The following PTPRN2 variants were observed in gnomAD, a reference collection of about 807,000 sequenced individuals.
PTPRN2 encodes protein tyrosine phosphatase receptor type N2, also known as receptor-type tyrosine-protein phosphatase N2.
Under a neutral mutation model 118.8 loss-of-function variants are expected in PTPRN2, and 74 were observed. The observed-to-expected ratio is 0.62, with a 90% CI of 0.52 to 0.76. The LOEUF (loss-of-function observed/expected upper bound fraction) is 0.76, where lower values mean the gene tolerates loss of function less well. PTPRN2 is among the 30% of genes least tolerant of loss of function. The pLI, the probability that PTPRN2 is intolerant of heterozygous loss-of-function variation, is 0.00. For missense variants in PTPRN2, 1,481 were observed against 1,394.4 expected, an observed-to-expected ratio of 1.06 and a Z score of -0.99; for synonymous variants, 641 against 608.0, an observed-to-expected ratio of 1.05 and a Z score of -0.80.
Position 158,516,953 on chromosome 7 carries a change from A to T in PTPRN2, c.113-27168T>A, listed in dbSNP as rs117169987. Among the ~76,000 whole-genome samples, 101 of 152,196 alleles carry T rather than the reference A, an allele frequency of 6.6e-4. 1 individual carries two copies. The East Asian group carries it at 0.018, about 27-fold the overall frequency. On this transcript the variant is annotated intron_variant, in intron 1 of 22. Transcript: ENST00000389418. Reference sequence around the variant, plus strand: ...TGTAACCTGCAAGGCTTTTCTCCACACTACACCATGGAAAGTCCTCTCTAG... The same window carrying T: ...TGTAACCTGCAAGGCTTTTCTCCACTCTACACCATGGAAAGTCCTCTCTAG...
At chr7:158,309,589 A>G (rs141046499) in intron 3 of PTPRN2, among the ~76,000 whole-genome samples, 78 of 152,352 alleles carry the variant, frequency 5.1e-4, no homozygotes, top group African/African-American at 1.7e-3. Flanking sequence ...TATAATACCA[A>G]AACCAAAGAT....
At chr7:158,557,267 G>A (rs1210714496) in intron 1 of PTPRN2, among the ~76,000 whole-genome samples, 1 of 143,488 alleles carries the variant, frequency 7.0e-6, no homozygotes, top group South Asian at 2.3e-4. Flanking sequence ...GGTGGCTCCC[G>A]CGCAGGTCAG....
chr7:158,333,785 C>T, intron 2 of PTPRN2, among the ~76,000 whole-genome samples: 1 of 148,418 alleles, frequency 6.7e-6, no homozygotes, highest in African/African-American at 2.5e-5. Flanking sequence ...CTCACACACA[C>T]ACTCTCACCA....
intron 5 of PTPRN2, among the ~76,000 whole-genome samples, chr7:158,173,246 C>T (rs1823875554): frequency 6.6e-6 from 1 of 152,186 alleles, no homozygotes; most frequent in African/African-American, 2.4e-5. Flanking sequence ...TTGGGGGAAC[C>T]AGCCCCCAAT....
At chr7:158,528,105 G>C (rs1454966394) in intron 1 of PTPRN2, among the ~76,000 whole-genome samples, 1 of 152,240 alleles carries the variant, frequency 6.6e-6, no homozygotes, top group Non-Finnish European at 1.5e-5. Context: ...GGAGGAAGTT[G>C]GTGTGTACTA....
Position 157,674,988 on chromosome 7 carries a change from AC to A in PTPRN2, c.2001+7736del, listed in dbSNP as rs1013835624. 7.9e-5 allele frequency among the ~76,000 whole-genome samples: 12 copies of A among 152,050 alleles called. No homozygotes were observed. Among genetic ancestry groups the A allele is most frequent in the Admixed American group, 2.0e-4 (3 of 15,288 alleles). On this transcript the variant is annotated intron_variant, in intron 13 of 22. Transcript: ENST00000389418. The surrounding 1 kb of genome is among the most constrained non-coding windows in gnomAD (Gnocchi z 4.5). ...GAGGCTACAGGCAGGGAGTGGGGAG[AC>A]CCAGCCTTCAAGCACAGCGCCCCTT... is the stretch of plus-strand genomic sequence containing the variant.
At chr7:158,562,970 G>A (rs1014032822) in intron 1 of PTPRN2, among the ~76,000 whole-genome samples, 6 of 152,226 alleles carry the variant, frequency 3.9e-5, no homozygotes, top group Non-Finnish European at 7.3e-5. Flanking sequence ...GAGGCCGAGA[G>A]CGGAGTGTTT....
At chr7:158,107,516 G>A (rs1815782585) in intron 10 of PTPRN2, among the ~76,000 whole-genome samples, 2 of 152,018 alleles carry the variant, frequency 1.3e-5, no homozygotes, top group Admixed American at 1.3e-4. Context: ...GGGAACAACA[G>A]GCCCTCCCCA....
intron 2 of PTPRN2, among the ~76,000 whole-genome samples, chr7:158,442,150 G>A (rs1393269378): frequency 6.6e-5 from 10 of 151,138 alleles, no homozygotes; most frequent in East Asian, 1.9e-4. Flanking sequence ...CAGTGGTGGT[G>A]ATGGTGATGG....
chr7:158,070,520 C>CGG (rs1811197776), intron 11 of PTPRN2, among the ~76,000 whole-genome samples: 2 of 73,216 alleles, frequency 2.7e-5, no homozygotes, highest in African/African-American at 1.5e-4. Flanking sequence ...GGAGGTGCTC[C>CGG]TGGTGGTGGA....
intron 9 of PTPRN2, among the ~76,000 whole-genome samples, chr7:158,125,676 T>C (rs113395042): frequency 0.018 from 2,668 of 152,310 alleles, 71 homozygotes; most frequent in African/African-American, 0.053. Flanking sequence ...AGGCAGGGCA[T>C]GTCCGCCCTC....
chr7:158,441,922 A>G (rs1275038453), intron 2 of PTPRN2, among the ~76,000 whole-genome samples: 34 of 72,806 alleles, frequency 4.7e-4, no homozygotes, highest in African/African-American at 1.9e-3. Context: ...TGATGGTGAT[A>G]GTGATGGTCA....
At chr7:157,607,548 T>G (rs1802079729) in intron 15 of PTPRN2, among the ~76,000 whole-genome samples, 1 of 152,240 alleles carries the variant, frequency 6.6e-6, no homozygotes, top group Non-Finnish European at 1.5e-5. Context: ...CTCAGGCTTT[T>G]GACCTGGCTT....
chr7:158,021,744 C>G (rs756803934), intron 11 of PTPRN2, among the ~76,000 whole-genome samples: 3 of 152,152 alleles, frequency 2.0e-5, no homozygotes, highest in Non-Finnish European at 2.9e-5. Context: ...TGTCCAGCCT[C>G]CATAGTGGGG....
chr7:158,149,429 T>C (rs1465414641), intron 6 of PTPRN2, among the ~76,000 whole-genome samples: 2 of 148,276 alleles, frequency 1.3e-5, no homozygotes, highest in Non-Finnish European at 3.0e-5. Flanking sequence ...GATGTTACCT[T>C]TTCTCAAGAG....
At chr7:157,724,568 A>T (rs982322388) in intron 12 of PTPRN2, among the ~76,000 whole-genome samples, 2 of 152,230 alleles carry the variant, frequency 1.3e-5, no homozygotes, top group African/African-American at 4.8e-5. Flanking sequence ...TTAGAGACGT[A>T]CTGGATCCAT....
At chr7:158,383,848 C>CT (rs1024512298) in intron 2 of PTPRN2, among the ~76,000 whole-genome samples, 5 of 152,136 alleles carry the variant, frequency 3.3e-5, no homozygotes, top group Middle Eastern at 3.2e-3. Flanking sequence ...ATGTTAATGA[C>CT]TTTTTTACAG....
At chr7:158,331,846 C>A (rs1178428808) in intron 2 of PTPRN2, among the ~76,000 whole-genome samples, 2 of 108,804 alleles carry the variant, frequency 1.8e-5, no homozygotes, top group South Asian at 5.0e-4. Context: ...ACGACACTAA[C>A]AACCAGATTC....
At chr7:157,921,304 G>A (rs1219908087) in intron 11 of PTPRN2, among the ~76,000 whole-genome samples, 1 of 152,232 alleles carries the variant, frequency 6.6e-6, no homozygotes, top group Non-Finnish European at 1.5e-5. Context: ...GTAAGTTGTG[G>A]TGGAGGTAAT....
Sources: gnomAD v4.1 joint callset for allele counts (sites outside exome capture counted in the v4.1 genomes callset) on GRCh38, gnomAD v4.1.1 for gene constraint, Gnocchi (gnomAD v3.1) non-coding constraint, MANE v1.5 for transcripts, NCBI Gene and HGNC (gene_info 2026-07-23, HGNC 2026-07-21) for gene names.